TTC28: variants seen among roughly 807,000 people sequenced by gnomAD.
TTC28 encodes tetratricopeptide repeat domain 28, also known as tetratricopeptide repeat protein 28.
In TTC28, 61 loss-of-function variants were observed where a neutral mutation model predicts 198.0. That is an observed-to-expected ratio of 0.31 (90% confidence interval 0.25 to 0.38). TTC28 has a LOEUF of 0.38. TTC28 is among the 10% of genes least tolerant of loss of function. The probability of loss-of-function intolerance (pLI) is 1.00; values close to 1 mark genes in which losing one functional copy is unlikely to be tolerated. For synonymous variants in TTC28, 1,171 were observed against 1,297.8 expected, an observed-to-expected ratio of 0.90 and a Z score of 2.10; for missense variants, 2,678 against 3,164.0, an observed-to-expected ratio of 0.85 and a Z score of 3.69.
chr22:28,116,948 T>A (rs1018849925), intron 6 of TTC28, among the ~76,000 whole-genome samples: 1 of 152,234 alleles, frequency 6.6e-6, no homozygotes, highest in African/African-American at 2.4e-5. Flanking sequence ...CCTATTCACT[T>A]GGCTTGGATT....
chr22:28,439,857 C>A (rs2047590528), intron 2 of TTC28, among the ~76,000 whole-genome samples: 2 of 150,922 alleles, frequency 1.3e-5, no homozygotes, highest in Non-Finnish European at 3.0e-5. Flanking sequence ...TTTTTTAAGA[C>A]AGAGTTTTGT....
chr22:28,533,716 A>G (rs1003361921), intron 2 of TTC28, among the ~76,000 whole-genome samples: 1 of 152,234 alleles, frequency 6.6e-6, no homozygotes, highest in Non-Finnish European at 1.5e-5. Flanking sequence ...ACAGAGATAT[A>G]GATCAATGGA....
chr22:28,353,039 A>G (rs1257038142), intron 2 of TTC28, among the ~76,000 whole-genome samples: 1 of 152,216 alleles, frequency 6.6e-6, no homozygotes, highest in Non-Finnish European at 1.5e-5. Flanking sequence ...TACACAGCTG[A>G]TAACTAGTGG....
chr22:28,026,796 C>A (rs1938852259), intron 13 of TTC28, among the ~76,000 whole-genome samples: 1 of 152,214 alleles, frequency 6.6e-6, no homozygotes, highest in South Asian at 2.1e-4. Context: ...TCACTGCTCT[C>A]TGGACAATAA....
chr22:28,075,673 G>A (rs1032955626), intron 12 of TTC28, among the ~76,000 whole-genome samples: 1 of 152,188 alleles, frequency 6.6e-6, no homozygotes, highest in Non-Finnish European at 1.5e-5. Flanking sequence ...TTCAACATCT[G>A]GAATGTCTGG....
chr22:27,999,259 G>A lies in TTC28; in HGVS notation c.4400C>T (p.Ser1467Phe). 1 of 1,546,012 alleles carries A rather than the reference G, an allele frequency of 6.5e-7. No individual in the cohort carries two copies. The highest frequency in any genetic ancestry group is 8.7e-7 in the Non-Finnish European group (1 of 1,144,232). Residue 1467 changes from serine (S) to phenylalanine (F), a missense_variant and splice_region_variant, in exon 16 of 23, where the codon TCT becomes TTT. By Grantham distance (155) the Ser-to-Phe change is radical. This residue lies in a region of TTC28 where 727 missense variants were observed against 861.9 expected (regional missense o/e 0.84). Transcript: ENST00000397906. ...TGTGGGCGGGTTCTTCCGTAAGTGA[G>A]ACTAGGAGGGGAGGGGACAAAGCAG... is the stretch of plus-strand genomic sequence containing the variant. ...SIRSLSVQSK[S>F]HLRKNPPTYS...
intron 5 of TTC28, among the ~76,000 whole-genome samples, chr22:28,216,205 G>A (rs1338015897): frequency 1.3e-5 from 2 of 152,184 alleles, no homozygotes; most frequent in Non-Finnish European, 2.9e-5. Flanking sequence ...GAAAGGCTTA[G>A]AGTACACTAT....
chr22:28,177,583 G>GC (rs1404204705), intron 5 of TTC28, among the ~76,000 whole-genome samples: 2 of 152,258 alleles, frequency 1.3e-5, no homozygotes, highest in East Asian at 3.9e-4. Flanking sequence ...ATTCATAATT[G>GC]CTAAAAACTG....
Position 28,306,549 on chromosome 22 carries a change from C to G in TTC28, c.476G>C (p.Ser159Thr). The change falls in exon 3 of 23, where the codon AGT (serine) becomes ACT (threonine). Residue 159 changes from serine to threonine, a missense_variant. Physicochemically the swap from Ser to Thr is moderately conservative, Grantham distance 58. Coordinates refer to ENST00000397906, the MANE Select transcript of TTC28 (RefSeq NM_001145418.2). ...CACCATCCCCACCAGAAGCTGGAGA[C>G]TCTTGGGGTCTTGAGCCAGTCCAGA... ...FASGLAQDPKSLQLLVGMVEA... is the reference protein window; with the variant it reads ...FASGLAQDPKTLQLLVGMVEA... 1 of 1,551,190 alleles carries G rather than the reference C, an allele frequency of 6.4e-7. No homozygotes were observed. The highest frequency in any genetic ancestry group is 8.7e-7 in the Non-Finnish European group (1 of 1,146,882).
chr22:28,368,473 T>C lies in TTC28; in HGVS notation c.382-61830A>G, dbSNP rs1446961327. 3.3e-5 allele frequency among the ~76,000 whole-genome samples: 5 copies of C among 152,132 alleles called. No individual in the cohort carries two copies. In the East Asian group the frequency reaches 7.7e-4, roughly 23 times the overall value. ...GGAGAAAAACTGAAAGCCTTTCCTC[T>C]AAGATGTAGAACATGACAAGGTTGC... On this transcript the variant is annotated intron_variant, in intron 2 of 22. Transcript: ENST00000397906.
At chr22:28,449,357 G>A (rs2047745730) in intron 2 of TTC28, among the ~76,000 whole-genome samples, 1 of 152,244 alleles carries the variant, frequency 6.6e-6, no homozygotes, top group Admixed American at 6.5e-5. Context: ...GTAATGACCT[G>A]TGGAAGGCTG....
At chr22:28,679,103 G>A (rs2052048320) in intron 1 of TTC28, among the ~76,000 whole-genome samples, 1 of 152,232 alleles carries the variant, frequency 6.6e-6, no homozygotes, top group Admixed American at 6.5e-5. Flanking sequence ...CGAAGCTGAG[G>A]TGGGTGGAAC....
At chr22:28,616,399 T>C (rs892241566) in intron 2 of TTC28, among the ~76,000 whole-genome samples, 2 of 152,206 alleles carry the variant, frequency 1.3e-5, no homozygotes, top group African/African-American at 4.8e-5. Context: ...ATAAGAGCTA[T>C]TATATTTTAT....
At chr22:28,039,073 G>A (rs1356382505) in intron 12 of TTC28, among the ~76,000 whole-genome samples, 3 of 152,168 alleles carry the variant, frequency 2.0e-5, no homozygotes, top group Non-Finnish European at 2.9e-5. Flanking sequence ...CTGTTGGTAG[G>A]ACTGTAAACT....
chr22:28,325,068 T>A (rs1427751608), intron 2 of TTC28, among the ~76,000 whole-genome samples: 1 of 34,234 alleles, frequency 2.9e-5, no homozygotes. Flanking sequence ...CTCCTCCTTG[T>A]ACTCTGGTTG....
At chr22:28,374,109 G>T (rs2046376206) in intron 2 of TTC28, among the ~76,000 whole-genome samples, 1 of 152,130 alleles carries the variant, frequency 6.6e-6, no homozygotes. Context: ...AGTTCCATTT[G>T]ATGTGATTCT....
At chr22:28,251,909 T>C (rs1930540079) in intron 5 of TTC28, among the ~76,000 whole-genome samples, 1 of 152,300 alleles carries the variant, frequency 6.6e-6, no homozygotes, top group South Asian at 2.1e-4. Context: ...GATCCCTTAA[T>C]CAACTGATTA....
At chr22:28,429,090 A>C (rs2047396371) in intron 2 of TTC28, among the ~76,000 whole-genome samples, 1 of 152,248 alleles carries the variant, frequency 6.6e-6, no homozygotes, top group South Asian at 2.1e-4. Flanking sequence ...AATAGCCAGC[A>C]CCTGGCACAT....
chr22:28,332,897 G>A (rs1482048040), intron 2 of TTC28, among the ~76,000 whole-genome samples: 3 of 152,032 alleles, frequency 2.0e-5, no homozygotes, highest in Non-Finnish European at 4.4e-5. Flanking sequence ...CTGGAAATAA[G>A]ACCAATAGTT....
Sources: gnomAD v4.1 joint callset for allele counts (sites outside exome capture counted in the v4.1 genomes callset) on GRCh38, gnomAD v4.1.1 for gene constraint, gnomAD v4.1.1 regional missense constraint, MANE v1.5 for transcripts, NCBI Gene and HGNC (gene_info 2026-07-23, HGNC 2026-07-21) for gene names.